Variants in CSMD1 observed in about 807,000 individuals in gnomAD.
CSMD1 encodes CUB and sushi domain-containing protein 1.
In CSMD1, 213 loss-of-function variants were observed where a neutral mutation model predicts 417.5. That is an observed-to-expected ratio of 0.51 (90% CI 0.46 to 0.57). The LOEUF is 0.57. CSMD1 is among the 20% of genes least tolerant of loss of function. The probability of loss-of-function intolerance (pLI) is 0.00; values close to 1 mark genes in which losing one functional copy is unlikely to be tolerated. For synonymous variants in CSMD1, 2,862 were observed against 1,736.8 expected, an observed-to-expected ratio of 1.65 and a Z score of -16.11; for missense variants, 6,923 against 4,529.7, an observed-to-expected ratio of 1.53 and a Z score of -15.17.
At chr8:4,778,895 T>C (rs748758842) in intron 1 of CSMD1, among the ~76,000 whole-genome samples, 1 of 152,216 alleles carries the variant, frequency 6.6e-6, no homozygotes, top group East Asian at 1.9e-4. Flanking sequence ...AAAGAATAAA[T>C]GATTAACATT....
At chr8:4,330,918 C>T (rs1269976063) in intron 3 of CSMD1, among the ~76,000 whole-genome samples, 1 of 152,104 alleles carries the variant, frequency 6.6e-6, no homozygotes, top group African/African-American at 2.4e-5. Context: ...CAGCACCCTA[C>T]ATTGGATTCA....
At chr8:3,629,613 C>A (rs1796676060) in intron 7 of CSMD1, among the ~76,000 whole-genome samples, 1 of 152,166 alleles carries the variant, frequency 6.6e-6, no homozygotes, top group Admixed American at 6.5e-5. Flanking sequence ...ATGAGTCAAT[C>A]TCTATGATTC....
chr8:3,007,557 G>A (rs1808037801), intron 52 of CSMD1, among the ~76,000 whole-genome samples: 1 of 151,490 alleles, frequency 6.6e-6, no homozygotes, highest in Non-Finnish European at 1.5e-5. Flanking sequence ...TTAAGAAAAT[G>A]TGGCACATAT....
intron 26 of CSMD1, among the ~76,000 whole-genome samples, chr8:3,268,618 C>T (rs935924658): frequency 7.2e-5 from 11 of 152,050 alleles, no homozygotes; most frequent in African/African-American, 2.2e-4. Context: ...GTCTTGGTGA[C>T]TGGCATTTTT....
intron 2 of CSMD1, among the ~76,000 whole-genome samples, chr8:4,424,327 C>A (rs1479658171): frequency 6.6e-6 from 1 of 151,856 alleles, no homozygotes; most frequent in Non-Finnish European, 1.5e-5. Flanking sequence ...ATACCATGAA[C>A]TCTCCAGACT....
intron 12 of CSMD1, among the ~76,000 whole-genome samples, chr8:3,424,007 G>A (rs1256255440): frequency 6.6e-6 from 1 of 152,062 alleles, no homozygotes; most frequent in African/African-American, 2.4e-5. Flanking sequence ...TGAAAAAGTG[G>A]TCTCTCCAAG....
intron 1 of CSMD1, among the ~76,000 whole-genome samples, chr8:4,943,089 A>C (rs904571136): frequency 6.6e-6 from 1 of 152,194 alleles, no homozygotes; most frequent in Non-Finnish European, 1.5e-5. Flanking sequence ...GATGAAGACA[A>C]TGACTCCATA....
At chr8:3,898,997 A>G (rs920560425) in intron 5 of CSMD1, among the ~76,000 whole-genome samples, 4 of 152,220 alleles carry the variant, frequency 2.6e-5, no homozygotes, top group Middle Eastern at 3.2e-3. Context: ...TTTCAGTGCT[A>G]AAATATGTGC....
At chr8:4,384,266 C>T (rs186508156) in intron 3 of CSMD1, among the ~76,000 whole-genome samples, 5 of 151,954 alleles carry the variant, frequency 3.3e-5, no homozygotes, top group African/African-American at 9.7e-5. Context: ...TTTGCCATTG[C>T]CAACATGGTA....
intron 1 of CSMD1, among the ~76,000 whole-genome samples, chr8:4,734,994 G>A (rs1320029777): frequency 6.6e-6 from 1 of 152,198 alleles, no homozygotes; most frequent in Non-Finnish European, 1.5e-5. Context: ...ATAAGATGTT[G>A]CTGAGAAGTG....
intron 5 of CSMD1, among the ~76,000 whole-genome samples, chr8:3,804,462 T>A (rs978301275): frequency 6.6e-6 from 1 of 152,160 alleles, no homozygotes; most frequent in African/African-American, 2.4e-5. Flanking sequence ...TGACTTACTA[T>A]AATGGACTAT....
At chr8:3,590,790 G>C (rs17066472) in intron 8 of CSMD1, among the ~76,000 whole-genome samples, 2,236 of 152,228 alleles carry the variant, frequency 0.015, 67 homozygotes, top group African/African-American at 0.051. Context: ...AATAAATCAA[G>C]TTGAGGCAGA....
intron 3 of CSMD1, among the ~76,000 whole-genome samples, chr8:4,050,029 G>A (rs1429908938): frequency 2.0e-5 from 3 of 152,128 alleles, no homozygotes; most frequent in Non-Finnish European, 2.9e-5. Context: ...AGAAGTTGCG[G>A]CCAGATATTC....
intron 1 of CSMD1, among the ~76,000 whole-genome samples, chr8:4,649,881 T>C (rs1281587794): frequency 6.6e-6 from 1 of 152,200 alleles, no homozygotes; most frequent in Non-Finnish European, 1.5e-5. Flanking sequence ...ATTTCAATAA[T>C]ATTTGCAGGT....
At chr8:4,355,902 C>T (rs940684939) in intron 3 of CSMD1, among the ~76,000 whole-genome samples, 2 of 148,876 alleles carry the variant, frequency 1.3e-5, no homozygotes, top group African/African-American at 4.8e-5. Flanking sequence ...AGGTGAGTCT[C>T]ATGATTTGAA....
chr8:3,347,373 G>A (rs920322829), intron 22 of CSMD1, among the ~76,000 whole-genome samples: 1 of 152,154 alleles, frequency 6.6e-6, no homozygotes, highest in East Asian at 1.9e-4. Context: ...TTGGAGCTGG[G>A]ATTTTGTCAA....
At chr8:4,363,550 T>C (rs1472658374) in intron 3 of CSMD1, among the ~76,000 whole-genome samples, 1 of 152,154 alleles carries the variant, frequency 6.6e-6, no homozygotes, top group East Asian at 1.9e-4. Flanking sequence ...CCCTCCCTAC[T>C]ACAGATTGTA....
intron 5 of CSMD1, among the ~76,000 whole-genome samples, chr8:3,801,871 A>G (rs1247077264): frequency 6.6e-6 from 1 of 152,118 alleles, no homozygotes; most frequent in Non-Finnish European, 1.5e-5. Context: ...AAAAATCACA[A>G]AACACCACAT....
chr8:4,385,439 T>C (rs1334394911), intron 3 of CSMD1, among the ~76,000 whole-genome samples: 1 of 152,222 alleles, frequency 6.6e-6, no homozygotes, highest in Non-Finnish European at 1.5e-5. Context: ...ACTTAGTACA[T>C]GTTTCTTTTC....
Sources: allele counts gnomAD v4.1 joint callset (sites outside exome capture counted in the v4.1 genomes callset), GRCh38; gene constraint gnomAD v4.1.1; transcripts MANE v1.5; gene names NCBI Gene and HGNC (gene_info 2026-07-23, HGNC 2026-07-21).